CHD9: variants seen among roughly 807,000 people sequenced by gnomAD.
CHD9 encodes the protein ATP-dependent chromatin remodeler CHD9.
A neutral mutation model predicts 316.1 loss-of-function variants in CHD9; 77 were observed. The observed-to-expected ratio is 0.24, with a 90% CI of 0.20 to 0.29. CHD9 has a LOEUF of 0.29. CHD9 is among the 10% of genes least tolerant of loss of function. The pLI is 1.00. For synonymous variants in CHD9, 1,129 were observed against 1,158.3 expected (o/e 0.97, Z 0.51); for missense variants, 2,763 against 3,438.1 (o/e 0.80, Z 4.91).
At chr16:53,090,102 T>C (rs2035806722) in intron 1 of CHD9, among the ~76,000 whole-genome samples, 2 of 152,172 alleles carry the variant, frequency 1.3e-5, no homozygotes, top group South Asian at 2.1e-4. Flanking sequence ...AGTCTCAGCA[T>C]CCTCTTAAGT....
At chr16:53,244,994 T>C (rs1207934475) in intron 13 of CHD9, among the ~76,000 whole-genome samples, 1 of 152,076 alleles carries the variant, frequency 6.6e-6, no homozygotes, top group Non-Finnish European at 1.5e-5. Context: ...TGCATACCTG[T>C]AGTCCTAGCT....
chr16:53,204,058 TAC>T (rs58259105), intron 2 of CHD9, among the ~76,000 whole-genome samples: 3,891 of 62,768 alleles, frequency 0.062, 181 homozygotes, highest in South Asian at 0.093. Context: ...AATATATATA[TAC>T]ACACACACAC....
intron 19 of CHD9, among the ~76,000 whole-genome samples, chr16:53,257,052 A>G (rs1406151579): frequency 6.6e-6 from 1 of 152,234 alleles, no homozygotes; most frequent in Non-Finnish European, 1.5e-5. Context: ...TTAATTCTGT[A>G]TATTCTGAAT....
intron 2 of CHD9, among the ~76,000 whole-genome samples, chr16:53,199,013 C>T (rs1316310945): frequency 6.6e-6 from 1 of 151,390 alleles, no homozygotes; most frequent in Non-Finnish European, 1.5e-5. Flanking sequence ...ATTTTGCCAC[C>T]AAACTTTTTT....
Position 53,157,435 on chromosome 16 carries a change from C to G in CHD9, c.1346C>G (p.Ser449Cys). ...ACTTCGCATCTGGTAACACGGCCTT[C>G]TGATATGGCTCAGACTCAGTTGCAA... ...QFTSHLVTRP[S>C]DMAQTQLQSQ... Residue 449 changes from serine (S) to cysteine (C), a missense_variant, in exon 2 of 39, where the codon TCT becomes TGT. Coordinates refer to ENST00000447540, the MANE Select transcript of CHD9 (RefSeq NM_001308319.2). 1 of 1,613,988 alleles carries G rather than the reference C, an allele frequency of 6.2e-7. No homozygotes were observed. Among genetic ancestry groups the G allele is most frequent in the Non-Finnish European group, 8.5e-7 (1 of 1,179,886 alleles).
intron 1 of CHD9, among the ~76,000 whole-genome samples, chr16:53,057,092 C>T (rs189817233): frequency 1.3e-5 from 2 of 152,150 alleles, no homozygotes; most frequent in African/African-American, 4.8e-5. Context: ...AGAAAGATTA[C>T]TTGAGGCTAG....
At chr16:53,116,704 C>T (rs1218399361) in intron 1 of CHD9, among the ~76,000 whole-genome samples, 1 of 152,058 alleles carries the variant, frequency 6.6e-6, no homozygotes, top group Non-Finnish European at 1.5e-5. Flanking sequence ...TACCATTTGA[C>T]CCAGTAATCC....
chr16:53,236,332 A>G (rs1435761845), intron 11 of CHD9, among the ~76,000 whole-genome samples: 1 of 152,086 alleles, frequency 6.6e-6, no homozygotes, highest in African/African-American at 2.4e-5. Flanking sequence ...AAACTCATCC[A>G]AGTTCTTGCT....
intron 1 of CHD9, among the ~76,000 whole-genome samples, chr16:53,143,865 TA>T (rs1353696300): frequency 1.3e-5 from 2 of 152,092 alleles, no homozygotes; most frequent in Non-Finnish European, 2.9e-5. Context: ...GACTGAAAAA[TA>T]AAGGAATGAG....
At chr16:53,121,239 G>C in intron 1 of CHD9, 1 of 412,472 alleles carries the variant, frequency 2.4e-6, no homozygotes, top group South Asian at 1.8e-5. Flanking sequence ...CTTGCTGAGT[G>C]AATTCACTTT....
At chr16:53,135,573 CTAGA>C (rs1461355840) in intron 1 of CHD9, among the ~76,000 whole-genome samples, 3 of 152,144 alleles carry the variant, frequency 2.0e-5, no homozygotes, top group East Asian at 1.9e-4. Context: ...GCTTGAGAAA[CTAGA>C]TAGATAGTGG....
At chr16:53,093,039 A>C (rs1436393078) in intron 1 of CHD9, among the ~76,000 whole-genome samples, 1 of 152,206 alleles carries the variant, frequency 6.6e-6, no homozygotes, top group Non-Finnish European at 1.5e-5. Context: ...TTTGCCTCCC[A>C]AAGTGTTGGG....
chr16:53,200,477 G>C (rs1254431835), intron 2 of CHD9, among the ~76,000 whole-genome samples: 7 of 151,994 alleles, frequency 4.6e-5, no homozygotes, highest in Admixed American at 3.3e-4. Context: ...TGAACCCAGG[G>C]AGTGGAGGTT....
chr16:53,079,983 G>A (rs2034877048), intron 1 of CHD9, among the ~76,000 whole-genome samples: 1 of 152,138 alleles, frequency 6.6e-6, no homozygotes, highest in Non-Finnish European at 1.5e-5. Flanking sequence ...GGGGGCATGG[G>A]GACCTCCTGA....
chr16:53,208,810 T>TTAGCAATATCACA, intron 2 of CHD9: 4 of 560,356 alleles, frequency 7.1e-6, no homozygotes, highest in Non-Finnish European at 9.1e-6. Context: ...CCTGTGATAT[T>TTAGCAATATCACA]GCTAAATATT....
intron 1 of CHD9, among the ~76,000 whole-genome samples, chr16:53,117,419 T>TAC (rs1201348531): frequency 2.6e-5 from 4 of 151,406 alleles, no homozygotes; most frequent in African/African-American, 9.7e-5. Context: ...TATATATATA[T>TAC]ATATATATTT....
Position 53,238,440 on chromosome 16 carries a change from T to G in CHD9, c.2731T>G (p.Phe911Val). 36 of 1,613,358 alleles carry G rather than the reference T, an allele frequency of 2.2e-5. No individual in the cohort carries two copies. Among genetic ancestry groups the G allele is most frequent in the Non-Finnish European group, 2.9e-5 (34 of 1,179,484 alleles). ...CCTTCTGACTGGTATAAGAGGACCT[T>G]TCCTGATTATTGCTCCACTTTCTAC... ...EILLTGIRGPFLIIAPLSTIA... is the reference protein window; with the variant it reads ...EILLTGIRGPVLIIAPLSTIA... The change falls in exon 12 of 39, where the codon TTC becomes GTC. Residue 911 changes from phenylalanine (F) to valine (V), a missense_variant. Around this residue, in one of 15 missense-constraint regions of CHD9, gnomAD observed 186 missense variants for 245.0 expected, o/e 0.76. Coordinates refer to ENST00000447540, the MANE Select transcript of CHD9 (RefSeq NM_001308319.2).
At chr16:53,235,133 G>A in intron 10 of CHD9, 52 bp from the exon 11 acceptor site, 1 of 1,485,010 alleles carries the variant, frequency 6.7e-7, no homozygotes, top group South Asian at 1.3e-5. Flanking sequence ...TTTGCCTTCA[G>A]TATGATATAT....
chr16:53,286,145 C>A, intron 25 of CHD9, 81 bp from the exon 26 acceptor site: 2 of 677,216 alleles, frequency 3.0e-6, no homozygotes, highest in Non-Finnish European at 5.1e-6. Flanking sequence ...ATATCATCCA[C>A]TGTAAATACG....
Sources: allele counts gnomAD v4.1 joint callset (sites outside exome capture counted in the v4.1 genomes callset), GRCh38; gene constraint gnomAD v4.1.1; regional missense constraint gnomAD v4.1.1; transcripts MANE v1.5; gene names NCBI Gene and HGNC (gene_info 2026-07-23, HGNC 2026-07-21).